The following ATF7IP2 variants were observed in gnomAD, a reference collection of about 807,000 sequenced individuals.
The protein encoded by ATF7IP2 is activating transcription factor 7 interacting protein 2.
Under a neutral mutation model 64.2 loss-of-function variants are expected in ATF7IP2, and 42 were observed. The ratio of observed to expected loss-of-function variants is 0.65; its 90% CI spans 0.51 to 0.85. ATF7IP2 has a LOEUF of 0.85. ATF7IP2 is among the 40% of genes least tolerant of loss of function. The pLI is 0.00. For missense variants in ATF7IP2, 933 were observed against 784.2 expected (o/e 1.19, Z -2.27); for synonymous variants, 308 against 272.8 (o/e 1.13, Z -1.27).
At chr16:10,425,727 C>T (rs2048071591) in intron 3 of ATF7IP2, among the ~76,000 whole-genome samples, 1 of 152,044 alleles carries the variant, frequency 6.6e-6, no homozygotes, top group Non-Finnish European at 1.5e-5. Context: ...AACCCCATCT[C>T]TATTAAAAAT....
At chr16:10,432,760 C>T (rs534788222) in intron 5 of ATF7IP2, among the ~76,000 whole-genome samples, 5 of 152,220 alleles carry the variant, frequency 3.3e-5, no homozygotes, top group African/African-American at 1.2e-4. Context: ...TTATTATTAT[C>T]GCAGCTACTT....
At chr16:10,388,252 T>G (rs2141722167) in intron 1 of ATF7IP2, among the ~76,000 whole-genome samples, 1 of 152,328 alleles carries the variant, frequency 6.6e-6, no homozygotes, top group South Asian at 2.1e-4. Context: ...AGGATAGTTT[T>G]TCATCTTCAT....
At chr16:10,417,117 A>G (rs1298427089) in intron 2 of ATF7IP2, among the ~76,000 whole-genome samples, 1 of 152,230 alleles carries the variant, frequency 6.6e-6, no homozygotes, top group African/African-American at 2.4e-5. Context: ...AAAGGAATCA[A>G]ATGGCAACAC....
rs2047497547 is a variant in ATF7IP2 at position 10,400,061 on chromosome 16, G to A, written c.-242+13939G>A. Among the ~76,000 whole-genome samples the A allele has an allele frequency of 3.3e-5, 5 of 152,178 alleles. No homozygotes were observed. In the South Asian group the frequency reaches 1.0e-3, roughly 32 times the overall value. ...TATTTTATTTATTTATTTATTTTGA[G>A]AGAGAGTCTTACTCTGTCAGCCAGG... On this transcript the variant is annotated intron_variant, in intron 1 of 13. Coordinates refer to ENST00000562102, the MANE Select transcript of ATF7IP2 (RefSeq NM_001393719.1).
At chr16:10,407,796 C>A (rs1221337349) in intron 1 of ATF7IP2, among the ~76,000 whole-genome samples, 1 of 152,158 alleles carries the variant, frequency 6.6e-6, no homozygotes, top group Non-Finnish European at 1.5e-5. Flanking sequence ...TCACCCTTTC[C>A]CCTGAGTCCC....
In ATF7IP2 at chr16:10,444,447, C is replaced by T. The variant is rs116796911; in HGVS notation, c.1194+3985C>T. Among the ~76,000 whole-genome samples the T allele has an allele frequency of 8.0e-3, 1,224 of 152,210 alleles. 12 individuals are homozygous for T. Among genetic ancestry groups the T allele is most frequent in the African/African-American group, 0.027 (1,137 of 41,524 alleles). On this transcript the variant is annotated intron_variant, in intron 8 of 13. Transcript: ENST00000562102. ...CAGCTTTTGATGAGGACGTAATCTC[C>T]AGATTGATACAGATGCACTGGGAAC...
rs2048326007 is a variant in ATF7IP2, at chr16:10,433,591, A to G, written c.902A>G (p.Glu301Gly). 1.1e-5 allele frequency: 18 copies of G among 1,613,614 alleles called. No homozygotes were observed. Among genetic ancestry groups the G allele is most frequent in the Non-Finnish European group, 1.5e-5 (18 of 1,179,496 alleles). Residue 301 changes from glutamate (E) to glycine (G), a missense_variant, in exon 6 of 14, where the codon GAG becomes GGG. Physicochemically the swap from Glu to Gly is moderately conservative, Grantham distance 98 (BLOSUM62 -2). Transcript: ENST00000562102. ...AATGTTAAACGCATGAAAACTTCAG[A>G]GCAAATTAATGAAAATATTTGTGTA... ...EENVKRMKTSEQINENICVSL... is the reference protein window; with the variant it reads ...EENVKRMKTSGQINENICVSL...
At chr16:10,478,097 C>G (rs897562349) in intron 12 of ATF7IP2, among the ~76,000 whole-genome samples, 5 of 151,036 alleles carry the variant, frequency 3.3e-5, no homozygotes, top group African/African-American at 1.2e-4. Flanking sequence ...TTTATAGATT[C>G]AATGCCATCC....
At chr16:10,387,909 A>T (rs1167099349) in intron 1 of ATF7IP2, among the ~76,000 whole-genome samples, 4 of 111,812 alleles carry the variant, frequency 3.6e-5, no homozygotes, top group Admixed American at 1.2e-4. Context: ...TTACTTATTT[A>T]TTTTTCTTTG....
rs574780743 is a variant in ATF7IP2, at chr16:10,449,301, A to G, written c.1195-8071A>G. 9 of 152,274 alleles carry G rather than the reference A, an allele frequency of 5.9e-5. No individual in the cohort carries two copies. In the East Asian group the frequency reaches 1.5e-3, roughly 26 times the overall value. The allele number at this position is 152,274 out of a possible 1,614,324, so 9.4% of individuals were successfully genotyped here. On this transcript the variant is annotated intron_variant, in intron 8 of 13. Coordinates refer to ENST00000562102, the MANE Select transcript of ATF7IP2 (RefSeq NM_001393719.1). ...TGTTGTGTCTCTGTGAGGTTTTGGT[A>G]TCAGGATGACGCTGGACTCATAAAA... is the stretch of plus-strand genomic sequence containing the variant.
intron 9 of ATF7IP2, among the ~76,000 whole-genome samples, chr16:10,469,396 G>C (rs1054158892): frequency 1.3e-5 from 2 of 152,056 alleles, no homozygotes; most frequent in African/African-American, 4.8e-5. Context: ...TGAAGATACA[G>C]TGTCTGAAAA....
At chr16:10,427,537 C>G (rs1226738377) in intron 3 of ATF7IP2, among the ~76,000 whole-genome samples, 2 of 152,128 alleles carry the variant, frequency 1.3e-5, no homozygotes, top group Non-Finnish European at 2.9e-5. Flanking sequence ...ACATAAGCCC[C>G]TTGAGACAGA....
chr16:10,415,757 A>C (rs1342417450), intron 2 of ATF7IP2, among the ~76,000 whole-genome samples: 1 of 152,254 alleles, frequency 6.6e-6, no homozygotes, highest in East Asian at 1.9e-4. Flanking sequence ...ACGACTCTGT[A>C]GGAAAGAATC....
At chr16:10,456,585 G>T (rs547958786) in intron 8 of ATF7IP2, among the ~76,000 whole-genome samples, 3 of 152,166 alleles carry the variant, frequency 2.0e-5, no homozygotes, top group Non-Finnish European at 1.5e-5. Context: ...GGCTCCACTG[G>T]GTCTCCCATT....
At chr16:10,424,068 A>G (rs749575035) in intron 3 of ATF7IP2, among the ~76,000 whole-genome samples, 12 of 152,242 alleles carry the variant, frequency 7.9e-5, no homozygotes, top group Non-Finnish European at 1.3e-4. Flanking sequence ...TAAATCGGGA[A>G]ACAAAAGGAT....
intron 4 of ATF7IP2, among the ~76,000 whole-genome samples, chr16:10,430,113 C>T (rs2048197210): frequency 6.6e-6 from 1 of 152,048 alleles, no homozygotes; most frequent in Admixed American, 6.6e-5. Context: ...CTCGGCCTCC[C>T]AAACTGCTGG....
chr16:10,481,774 A>ATAT, intron 13 of ATF7IP2, 62 bp from the exon 14 acceptor site: 1 of 1,322,250 alleles, frequency 7.6e-7, no homozygotes, highest in Non-Finnish European at 1.0e-6. Flanking sequence ...TGAGAAATAT[A>ATAT]TATTTCTACA....
In ATF7IP2 at chr16:10,482,429, T is replaced by C; in HGVS notation, c.*180T>C. ...TAATGAATTTCTGGTTTGTATTAAA[T>C]ATGTCCTTCCAATGGATAAGTTCTA... On this transcript the variant is annotated 3_prime_UTR_variant, in exon 14 of 14. Coordinates refer to ENST00000562102, the MANE Select transcript of ATF7IP2 (RefSeq NM_001393719.1). 3.8e-6 allele frequency: 2 copies of C among 529,780 alleles called. No homozygotes were observed. Among genetic ancestry groups the C allele is most frequent in the Non-Finnish European group, 6.6e-6 (2 of 305,138 alleles). The allele number at this position is 529,780 out of a possible 1,614,324, so 32.8% of individuals were successfully genotyped here.
intron 13 of ATF7IP2, 24 bp from the exon 14 acceptor site, chr16:10,481,812 A>G (rs758596017): frequency 3.9e-6 from 6 of 1,539,818 alleles, no homozygotes; most frequent in Admixed American, 4.4e-5. Context: ...TAAAAGCTAT[A>G]TTTTCTTACA....
Sources: allele counts gnomAD v4.1 joint callset (sites outside exome capture counted in the v4.1 genomes callset), GRCh38; gene constraint gnomAD v4.1.1; transcripts MANE v1.5; gene names NCBI Gene and HGNC (gene_info 2026-07-23, HGNC 2026-07-21).